Variants in AK5 observed in about 807,000 individuals in gnomAD.
The protein encoded by AK5 is adenylate kinase 5.
AK5 carries 27 observed loss-of-function variants against 69.5 expected under a neutral mutation model. The ratio of observed to expected loss-of-function variants is 0.39; its 90% confidence interval spans 0.29 to 0.54. The LOEUF (loss-of-function observed/expected upper bound fraction) is 0.54. Ranked by LOEUF, AK5 falls within the 20% of genes least tolerant of loss-of-function variation. AK5 has a pLI of 0.71. For missense variants in AK5, 531 were observed against 700.4 expected (o/e 0.76, Z 2.73); for synonymous variants, 260 against 244.4 (o/e 1.06, Z -0.60).
intron 8 of AK5, among the ~76,000 whole-genome samples, chr1:77,439,807 T>C (rs1652206452): frequency 6.6e-6 from 1 of 151,394 alleles, no homozygotes; most frequent in African/African-American, 2.4e-5. Context: ...TGTATATACA[T>C]ACATATATAT....
At chr1:77,392,871 C>T (rs1212948758) in intron 6 of AK5, among the ~76,000 whole-genome samples, 2 of 151,854 alleles carry the variant, frequency 1.3e-5, no homozygotes, top group East Asian at 3.9e-4. Flanking sequence ...CCACCATGTC[C>T]CATTTTGCCC....
chr1:77,453,277 C>T (rs1653266549), intron 8 of AK5, among the ~76,000 whole-genome samples: 1 of 152,208 alleles, frequency 6.6e-6, no homozygotes, highest in Non-Finnish European at 1.5e-5. Context: ...CCTAGAGCAA[C>T]ACATGGCACA....
rs1654854502 is a variant in AK5, at chr1:77,475,453, TACAA to T, written c.1060-7862_1060-7859del. On this transcript the variant is annotated intron_variant, in intron 8 of 13. Transcript: ENST00000354567. ...TATATATGTATATATATTATATATA[TACAA>T]ATATATATTATATATGTATATATAT... Among the ~76,000 whole-genome samples, 3 of 3,480 alleles carry T rather than the reference TACAA, an allele frequency of 8.6e-4. 1 individual carries two copies. Among genetic ancestry groups the T allele is most frequent in the South Asian group, 0.04 (2 of 50 alleles). The allele number at this position is 3,480 out of a possible 152,430, so 2.3% of individuals were successfully genotyped here.
intron 5 of AK5, chr1:77,315,039 T>C (rs1397938575): frequency 6.6e-6 from 1 of 152,110 alleles, no homozygotes; most frequent in Non-Finnish European, 1.5e-5. Context: ...TCATGCATAA[T>C]AGAGTATAAA....
intron 8 of AK5, among the ~76,000 whole-genome samples, chr1:77,453,859 A>C (rs1016527219): frequency 6.6e-6 from 1 of 152,210 alleles, no homozygotes; most frequent in Non-Finnish European, 1.5e-5. Flanking sequence ...AATTTCCTCC[A>C]TGTAAACTTT....
In AK5 at chr1:77,534,455, G is replaced by A. The variant is rs1189718316; in HGVS notation, c.1429-1392G>A. 2.0e-5 allele frequency among the ~76,000 whole-genome samples: 3 copies of A among 152,164 alleles called. 1 individual carries two copies. Among genetic ancestry groups the A allele is most frequent in the South Asian group, 4.1e-4 (2 of 4,830 alleles). ...CAGAGAATTCTTAATCCCTGCACAC[G>A]GGGAACCTAAGCCTCATAGAGGAAA... is the stretch of plus-strand genomic sequence containing the variant. On this transcript the variant is annotated intron_variant, in intron 12 of 13. Transcript: ENST00000354567.
intron 8 of AK5, among the ~76,000 whole-genome samples, chr1:77,444,651 A>G (rs1652627895): frequency 8.6e-6 from 1 of 115,778 alleles, no homozygotes; most frequent in Admixed American, 1.1e-4. Flanking sequence ...TATATAGTAT[A>G]TACATAGTAT....
intron 6 of AK5, among the ~76,000 whole-genome samples, chr1:77,355,727 T>A (rs868361684): frequency 1.3e-5 from 2 of 152,120 alleles, no homozygotes; most frequent in Admixed American, 6.6e-5. Flanking sequence ...CACTGTCTGC[T>A]CTCCTTTTTA....
At position 77,535,933 on chromosome 1, in the gene AK5, G is replaced by C; in HGVS notation, c.1515G>C (p.Leu505=). The C allele has an allele frequency of 6.2e-7, 1 of 1,613,928 alleles. No individual in the cohort carries two copies. Among genetic ancestry groups the C allele is most frequent in the Non-Finnish European group, 8.5e-7 (1 of 1,179,990 alleles). The part of the protein sequence containing the change: ...NRLLQRSRSS[L]PVDDTTKTIA... ...TTCTCCAAAGGAGCCGGAGCAGCCT[G>C]CCTGTGGACGACACCACCAAGACCA... The change falls in exon 13 of 14, where the codon CTG becomes CTC. Residue 505 remains leucine (L), a synonymous_variant. Transcript: ENST00000354567.
chr1:77,392,673 A>G (rs1329271374), intron 6 of AK5, among the ~76,000 whole-genome samples: 1 of 152,188 alleles, frequency 6.6e-6, no homozygotes, highest in East Asian at 1.9e-4. Context: ...CACATTCATA[A>G]TAATAGTTCT....
At chr1:77,534,830 A>G (rs1658866666) in intron 12 of AK5, among the ~76,000 whole-genome samples, 1 of 152,190 alleles carries the variant, frequency 6.6e-6, no homozygotes, top group Non-Finnish European at 1.5e-5. Context: ...GCGAGACCCC[A>G]TCTCTTACAA....
intron 8 of AK5, among the ~76,000 whole-genome samples, chr1:77,470,536 C>A (rs1471147313): frequency 6.6e-6 from 1 of 151,964 alleles, no homozygotes; most frequent in Non-Finnish European, 1.5e-5. Context: ...CAACACATCT[C>A]TTTACCAGCA....
chr1:77,368,204 G>A (rs1647034928), intron 6 of AK5, among the ~76,000 whole-genome samples: 1 of 64,830 alleles, frequency 1.5e-5, no homozygotes, highest in Non-Finnish European at 3.3e-5. Context: ...CCTTACTGAA[G>A]AGTAGAGATA....
intron 5 of AK5, among the ~76,000 whole-genome samples, chr1:77,298,702 T>C (rs1187357359): frequency 1.3e-5 from 2 of 150,488 alleles, no homozygotes; most frequent in Admixed American, 6.6e-5. Flanking sequence ...CGCACACCTA[T>C]AGGCCCAGCT....
chr1:77,323,421 T>C (rs893160456), intron 5 of AK5, among the ~76,000 whole-genome samples: 2 of 152,258 alleles, frequency 1.3e-5, no homozygotes, highest in African/African-American at 4.8e-5. Flanking sequence ...TTTGAATTTA[T>C]ATAGGAGAAA....
chr1:77,361,494 C>G lies in AK5; in HGVS notation c.891+20926C>G, dbSNP rs139724049. ...AAGACTAAGTGAAATACTATTAAGA[C>G]TAAGTGAAATAATATGTATAAAGCA... On this transcript the variant is annotated intron_variant, in intron 6 of 13. Transcript: ENST00000354567. Among the ~76,000 whole-genome samples, 111 of 152,198 alleles carry G rather than the reference C, an allele frequency of 7.3e-4. No individual in the cohort carries two copies. The East Asian group carries it at 0.018, about 24-fold the overall frequency.
rs115753216 is a variant in AK5, at chr1:77,498,169, A to T, written c.1147+11817A>T. On this transcript the variant is annotated intron_variant, in intron 10 of 13. Coordinates refer to ENST00000354567, the MANE Select transcript of AK5 (RefSeq NM_174858.3). ...TGGCATCACAGCAGGCAAGGGAGGA[A>T]AATTTTCTTCTGGGAAAGGTTCACT... Among the ~76,000 whole-genome samples the T allele has an allele frequency of 7.3e-3, 1,110 of 152,260 alleles. 7 individuals carry two copies. Among genetic ancestry groups the T allele is most frequent in the Middle Eastern group, 0.041 (12 of 294 alleles).
chr1:77,495,072 G>T (rs1011060437), intron 10 of AK5, among the ~76,000 whole-genome samples: 1 of 152,044 alleles, frequency 6.6e-6, no homozygotes, highest in Non-Finnish European at 1.5e-5. Flanking sequence ...GTGAGCCACC[G>T]CACCCGGCCC....
intron 10 of AK5, among the ~76,000 whole-genome samples, chr1:77,492,946 A>G (rs1219934105): frequency 6.6e-6 from 1 of 152,222 alleles, no homozygotes. Flanking sequence ...GAACTGGACT[A>G]TCAAGGTTAT....
Sources: gnomAD v4.1 joint callset for allele counts (sites outside exome capture counted in the v4.1 genomes callset) on GRCh38, gnomAD v4.1.1 for gene constraint, MANE v1.5 for transcripts, NCBI Gene and HGNC (gene_info 2026-07-23, HGNC 2026-07-21) for gene names.